HIVEP3: variants seen among roughly 807,000 people sequenced by gnomAD.
HIVEP3 encodes transcription factor HIVEP3.
HIVEP3 carries 49 observed loss-of-function variants against 152.8 expected under a neutral mutation model. That is an observed-to-expected ratio of 0.32 (90% CI 0.26 to 0.41). The LOEUF is 0.41. Ranked by LOEUF, HIVEP3 falls within the 10% of genes least tolerant of loss-of-function variation. The probability of loss-of-function intolerance (pLI) is 1.00; values close to 1 mark genes in which losing one functional copy is unlikely to be tolerated. For synonymous variants in HIVEP3, 1,269 were observed against 1,289.0 expected (o/e 0.98, Z 0.33); for missense variants, 2,790 against 3,103.3 (o/e 0.90, Z 2.40).
intron 1 of HIVEP3, among the ~76,000 whole-genome samples, chr1:41,871,674 C>T (rs1644082347): frequency 6.6e-6 from 1 of 152,204 alleles, no homozygotes; most frequent in African/African-American, 2.4e-5. Flanking sequence ...AGGATAATTT[C>T]ACTATCTACG....
intron 2 of HIVEP3, among the ~76,000 whole-genome samples, chr1:41,647,660 G>A (rs1645481235): frequency 6.6e-6 from 1 of 152,222 alleles, no homozygotes; most frequent in African/African-American, 2.4e-5. Flanking sequence ...GGGGAACATA[G>A]GGATCTGACT....
At chr1:41,565,243 A>T (rs1302290421) in intron 5 of HIVEP3, among the ~76,000 whole-genome samples, 1 of 152,178 alleles carries the variant, frequency 6.6e-6, no homozygotes, top group Non-Finnish European at 1.5e-5. Context: ...CGGAGGTGGA[A>T]TGCGAATGGC....
chr1:41,633,912 A>G (rs4083593), intron 2 of HIVEP3, among the ~76,000 whole-genome samples: 87,324 of 152,032 alleles, frequency 0.57, 25,947 homozygotes, highest in African/African-American at 0.72. Flanking sequence ...TTTGTAGATG[A>G]TATCTGGGGA....
intron 1 of HIVEP3, among the ~76,000 whole-genome samples, chr1:41,790,401 G>C (rs1439616859): frequency 6.6e-6 from 1 of 152,148 alleles, no homozygotes; most frequent in Non-Finnish European, 1.5e-5. Context: ...TTCTTGTATA[G>C]CCTGCAGAAC....
chr1:41,960,739 G>A (rs1314478961), intron 1 of HIVEP3, among the ~76,000 whole-genome samples: 2 of 152,014 alleles, frequency 1.3e-5, no homozygotes, highest in East Asian at 1.9e-4. Context: ...ACTTTTGCAC[G>A]CCCACAGTGT....
At chr1:41,952,473 G>A (rs547781548) in intron 1 of HIVEP3, among the ~76,000 whole-genome samples, 4 of 151,868 alleles carry the variant, frequency 2.6e-5, no homozygotes, top group South Asian at 2.1e-4. Flanking sequence ...TAGTGCCTGC[G>A]AGGCCCTTCA....
At chr1:41,908,109 A>G (rs963334767) in intron 1 of HIVEP3, among the ~76,000 whole-genome samples, 1 of 152,166 alleles carries the variant, frequency 6.6e-6, no homozygotes, top group Non-Finnish European at 1.5e-5. Flanking sequence ...GAAAAAAGTG[A>G]GTGGTTCTGG....
chr1:41,529,428 C>T (rs1263906763), intron 5 of HIVEP3, among the ~76,000 whole-genome samples: 1 of 139,408 alleles, frequency 7.2e-6, no homozygotes, highest in Non-Finnish European at 1.6e-5. Flanking sequence ...CACACACACC[C>T]TCACACATGC....
intron 2 of HIVEP3, among the ~76,000 whole-genome samples, chr1:41,660,537 C>A (rs1465398334): frequency 1.3e-5 from 2 of 152,154 alleles, no homozygotes; most frequent in African/African-American, 2.4e-5. Context: ...TGTGTGACCT[C>A]AGATGAGCCT....
chr1:42,009,272 GT>G (rs1645479900), intron 1 of HIVEP3, among the ~76,000 whole-genome samples: 1 of 152,086 alleles, frequency 6.6e-6, no homozygotes, highest in Admixed American at 6.6e-5. Flanking sequence ...CTATTTCTTT[GT>G]GAATAATGTC....
intron 3 of HIVEP3, among the ~76,000 whole-genome samples, chr1:41,599,841 C>T (rs535199441): frequency 6.6e-6 from 1 of 152,222 alleles, no homozygotes; most frequent in African/African-American, 2.4e-5. Context: ...AAGGGATTAA[C>T]ATGCAGAACT....
At chr1:41,574,032 C>T (rs2149098784) in intron 5 of HIVEP3, among the ~76,000 whole-genome samples, 1 of 152,258 alleles carries the variant, frequency 6.6e-6, no homozygotes, top group East Asian at 1.9e-4. Context: ...TCTGGAGGCT[C>T]AGGCTTCCTG....
At position 41,513,538 on chromosome 1, in the gene HIVEP3, A is replaced by G; in HGVS notation, c.5683T>C (p.Ser1895Pro). ...GPPHALRADS[S>P]PILGPQPPDA... ...GGGGGCTGAGGGCCCAGGATGGGTG[A>G]GGAGTCTGCCCGCAGTGCATGTGGT... Residue 1895 changes from serine to proline, a missense_variant, in exon 8 of 9, where the codon TCA becomes CCA. Around this residue, in one of 9 missense-constraint regions of HIVEP3, gnomAD observed 816 missense variants for 806.5 expected, o/e 1.01. Coordinates refer to ENST00000372583, the MANE Select transcript of HIVEP3 (RefSeq NM_024503.5). 1 of 1,608,474 alleles carries G rather than the reference A, an allele frequency of 6.2e-7. No individual in the cohort carries two copies.
Position 41,513,213 on chromosome 1 carries a change from G to C in HIVEP3, c.6008C>G (p.Pro2003Arg). The C allele has an allele frequency of 1.9e-6, 3 of 1,613,798 alleles. No homozygotes were observed. Among genetic ancestry groups the C allele is most frequent in the Non-Finnish European group, 1.7e-6 (2 of 1,179,928 alleles). ...AGGTGGGCTTGGGGCTGAGGCCTGT[G>C]GTTCTCGGGCCGGGGAGCATCGCTG... ...SPQRCSPARE[P>R]QASAPSPPGL... Residue 2003 changes from proline to arginine, a missense_variant, in exon 8 of 9, where the codon CCA becomes CGA. This residue lies in a region of HIVEP3 where 816 missense variants were observed against 806.5 expected (regional missense o/e 1.01). Transcript: ENST00000372583.
chr1:41,997,216 G>GCCAGCTCA (rs1391857495), intron 1 of HIVEP3, among the ~76,000 whole-genome samples: 10 of 152,202 alleles, frequency 6.6e-5, no homozygotes. Flanking sequence ...AATTGTCACA[G>GCCAGCTCA]CCAGCTCAGA....
intron 1 of HIVEP3, among the ~76,000 whole-genome samples, chr1:42,023,753 C>G (rs1645567381): frequency 2.0e-5 from 3 of 152,196 alleles, no homozygotes; most frequent in Non-Finnish European, 4.4e-5. Context: ...AGAAACTGAG[C>G]CGATGCCAGC....
chr1:41,728,632 G>C (rs1258184374), intron 1 of HIVEP3, among the ~76,000 whole-genome samples: 1 of 152,234 alleles, frequency 6.6e-6, no homozygotes, highest in African/African-American at 2.4e-5. Flanking sequence ...GACTGGCCCT[G>C]GAAGTGATAC....
chr1:41,647,024 C>G (rs1282955902), intron 2 of HIVEP3, among the ~76,000 whole-genome samples: 1 of 152,194 alleles, frequency 6.6e-6, no homozygotes, highest in African/African-American at 2.4e-5. Context: ...CACACTGCAA[C>G]CTCCTGGCAC....
At chr1:41,905,386 G>T (rs1644693813) in intron 1 of HIVEP3, among the ~76,000 whole-genome samples, 1 of 152,170 alleles carries the variant, frequency 6.6e-6, no homozygotes, top group Non-Finnish European at 1.5e-5. Context: ...AGGGTGCCAG[G>T]CAACAGAGCA....
Sources: gnomAD v4.1 joint callset for allele counts (sites outside exome capture counted in the v4.1 genomes callset) on GRCh38, gnomAD v4.1.1 for gene constraint, gnomAD v4.1.1 regional missense constraint, MANE v1.5 for transcripts, NCBI Gene and HGNC (gene_info 2026-07-23, HGNC 2026-07-21) for gene names.